SLC16A7: variants seen among roughly 807,000 people sequenced by gnomAD.
SLC16A7 encodes the protein solute carrier family 16 member 7.
In SLC16A7, 33 loss-of-function variants were observed where a neutral mutation model predicts 34.9. The ratio of observed to expected loss-of-function variants is 0.94; its 90% CI spans 0.72 to 1.26. The LOEUF (loss-of-function observed/expected upper bound fraction) is 1.26. Among genes scored for constraint, SLC16A7 ranks in the 50% most tolerant of loss-of-function variants. The probability of loss-of-function intolerance (pLI) is 0.00; values close to 1 mark genes in which losing one functional copy is unlikely to be tolerated. For synonymous variants in SLC16A7, 201 were observed against 206.6 expected, an observed-to-expected ratio of 0.97 and a Z score of 0.23; for missense variants, 573 against 578.1, an observed-to-expected ratio of 0.99 and a Z score of 0.09.
At chr12:59,719,193 A>T (rs1795889) in intron 3 of SLC16A7, among the ~76,000 whole-genome samples, 18,662 of 152,246 alleles carry the variant, frequency 0.12, 1,496 homozygotes, top group African/African-American at 0.22. Context: ...AGCTAAAATC[A>T]TCAAAAGCAC....
At chr12:59,757,222 A>G (rs1056536888) in intron 3 of SLC16A7, among the ~76,000 whole-genome samples, 2 of 151,590 alleles carry the variant, frequency 1.3e-5, no homozygotes, top group African/African-American at 2.4e-5. Flanking sequence ...TAACCTGCAC[A>G]TTGTGCACAT....
At chr12:59,716,826 A>G (rs1053564776) in intron 3 of SLC16A7, among the ~76,000 whole-genome samples, 7 of 152,198 alleles carry the variant, frequency 4.6e-5, no homozygotes, top group African/African-American at 1.4e-4. Flanking sequence ...AGCCTGGACA[A>G]CAGAGCAAGA....
chr12:59,696,024 G>A (rs56053489), intron 2 of SLC16A7, among the ~76,000 whole-genome samples: 17,083 of 151,436 alleles, frequency 0.11, 1,160 homozygotes, highest in Non-Finnish European at 0.14. Context: ...CATTGTCAGT[G>A]GATATTTAAT....
At chr12:59,643,985 A>G (rs1565629287) in intron 1 of SLC16A7, among the ~76,000 whole-genome samples, 2 of 152,204 alleles carry the variant, frequency 1.3e-5, no homozygotes, top group African/African-American at 2.4e-5. Context: ...CCTTTAAAAA[A>G]GCATTATCTG....
At chr12:59,643,487 A>C (rs1460445374) in intron 1 of SLC16A7, among the ~76,000 whole-genome samples, 1 of 152,152 alleles carries the variant, frequency 6.6e-6, no homozygotes. Context: ...TAACATATCC[A>C]TATATCATCA....
At chr12:59,733,856 G>T (rs769689039) in intron 3 of SLC16A7, 1 of 455,280 alleles carries the variant, frequency 2.2e-6, no homozygotes, top group South Asian at 1.5e-5. Flanking sequence ...TCTGCAGGCA[G>T]GTCGTCCTGA....
At chr12:59,725,155 T>G (rs1264454136) in intron 3 of SLC16A7, among the ~76,000 whole-genome samples, 1 of 152,118 alleles carries the variant, frequency 6.6e-6, no homozygotes, top group Non-Finnish European at 1.5e-5. Flanking sequence ...CTATTTTTGA[T>G]GCGTTCTTAA....
At chr12:59,690,606 T>A (rs796632014) in intron 2 of SLC16A7, among the ~76,000 whole-genome samples, 1 of 151,984 alleles carries the variant, frequency 6.6e-6, no homozygotes, top group Non-Finnish European at 1.5e-5. Context: ...TTACACAGAT[T>A]AAGTCCATGC....
At chr12:59,689,077 A>G (rs1020862163) in intron 2 of SLC16A7, among the ~76,000 whole-genome samples, 3 of 151,972 alleles carry the variant, frequency 2.0e-5, no homozygotes, top group African/African-American at 7.2e-5. Context: ...GCTATCATAC[A>G]GGTTTATATC....
intron 1 of SLC16A7, among the ~76,000 whole-genome samples, chr12:59,649,297 AG>A (rs1868301629): frequency 6.6e-6 from 1 of 152,158 alleles, no homozygotes; most frequent in African/African-American, 2.4e-5. Flanking sequence ...ATGAACCAAA[AG>A]GGAAAAAGTG....
At chr12:59,755,709 C>A (rs1206880707) in intron 3 of SLC16A7, among the ~76,000 whole-genome samples, 1 of 152,134 alleles carries the variant, frequency 6.6e-6, no homozygotes, top group South Asian at 2.1e-4. Flanking sequence ...TCAATGCCAT[C>A]CCCATCAAGC....
intron 3 of SLC16A7, among the ~76,000 whole-genome samples, chr12:59,717,358 A>G (rs892854004): frequency 6.6e-6 from 1 of 151,898 alleles, no homozygotes; most frequent in African/African-American, 2.4e-5. Flanking sequence ...GGAGTATTTC[A>G]TGATTAGTTT....
chr12:59,775,450 A>C lies in SLC16A7; in HGVS notation c.1155A>C (p.Pro385=), dbSNP rs1882666737. The C allele has an allele frequency of 6.2e-7, 1 of 1,613,738 alleles. No homozygotes were observed. Among genetic ancestry groups the C allele is most frequent in the Non-Finnish European group, 8.5e-7 (1 of 1,179,700 alleles). Residue 385 remains proline (P), a synonymous_variant, in exon 5 of 6, where the codon CCA becomes CCC. Transcript: ENST00000547379. ...VGLVTIVECG[P]VLLGPPLAGK... ...TTGTCACAATTGTGGAGTGTGGCCCAGTTCTTCTTGGCCCTCCTCTTGCAG... is the reference window on the plus strand; with the variant it reads ...TTGTCACAATTGTGGAGTGTGGCCCCGTTCTTCTTGGCCCTCCTCTTGCAG...
At chr12:59,656,699 G>A (rs1307665441) in intron 2 of SLC16A7, among the ~76,000 whole-genome samples, 3 of 152,010 alleles carry the variant, frequency 2.0e-5, no homozygotes, top group African/African-American at 7.2e-5. Context: ...GACAGCCTCA[G>A]AGTAGAAACA....
At chr12:59,692,068 G>C (rs1194789184) in intron 2 of SLC16A7, among the ~76,000 whole-genome samples, 1 of 151,972 alleles carries the variant, frequency 6.6e-6, no homozygotes, top group Admixed American at 6.6e-5. Context: ...TCCTTAAAAA[G>C]GTTCTATGGG....
In SLC16A7 at chr12:59,783,034, ACAAT is replaced by A. The variant is rs987131004; in HGVS notation, c.*3359_*3362del. 1 of 152,192 alleles carries A rather than the reference ACAAT, an allele frequency of 6.6e-6. No homozygotes were observed. The highest frequency in any genetic ancestry group is 6.6e-5 in the Admixed American group (1 of 15,266). 9.4% of individuals were successfully genotyped at this position (152,192 alleles called of 1,614,324 possible). A position where few individuals can be genotyped will look rare whatever the true frequency, so the allele number is the denominator to read the frequency against. ...CATTCTTTTCTGGCTGTACAACATG[ACAAT>A]CAAGAATATAGAAAAGAAGACTAAA... On this transcript the variant is annotated 3_prime_UTR_variant, in exon 6 of 6. Coordinates refer to ENST00000547379, the MANE Select transcript of SLC16A7 (RefSeq NM_001270623.2).
At chr12:59,643,839 T>A (rs1880789488) in intron 1 of SLC16A7, among the ~76,000 whole-genome samples, 1 of 152,170 alleles carries the variant, frequency 6.6e-6, no homozygotes, top group Admixed American at 6.5e-5. Context: ...GTGTTACACT[T>A]CAATAGGTTC....
At chr12:59,642,713 A>G (rs1329346595) in intron 1 of SLC16A7, among the ~76,000 whole-genome samples, 1 of 152,078 alleles carries the variant, frequency 6.6e-6, no homozygotes, top group Non-Finnish European at 1.5e-5. Flanking sequence ...AATGGGCAAT[A>G]ATGAAATAAA....
chr12:59,671,704 ATATATATATGTG>A (rs1214864884), intron 2 of SLC16A7, among the ~76,000 whole-genome samples: 41 of 146,578 alleles, frequency 2.8e-4, no homozygotes, highest in African/African-American at 5.3e-4. Flanking sequence ...GTGTGTGTGT[ATATATATATGTG>A]TATATATATG....
Sources: allele counts gnomAD v4.1 joint callset (sites outside exome capture counted in the v4.1 genomes callset), GRCh38; gene constraint gnomAD v4.1.1; transcripts MANE v1.5; gene names NCBI Gene and HGNC (gene_info 2026-07-23, HGNC 2026-07-21).